The following ATP8A1 variants were observed in gnomAD, a reference collection of about 807,000 sequenced individuals.
The protein encoded by ATP8A1 is ATPase phospholipid transporting 8A1.
Under a neutral mutation model 177.7 loss-of-function variants are expected in ATP8A1, and 90 were observed. That is an observed-to-expected ratio of 0.51 (90% CI 0.43 to 0.60). The LOEUF is 0.60. ATP8A1 is among the 20% of genes least tolerant of loss of function. The pLI is 0.00. For synonymous variants in ATP8A1, 493 were observed against 485.9 expected, an observed-to-expected ratio of 1.01 and a Z score of -0.19; for missense variants, 1,072 against 1,392.8, an observed-to-expected ratio of 0.77 and a Z score of 3.67.
At chr4:42,501,138 T>C (rs1468905098) in intron 24 of ATP8A1, among the ~76,000 whole-genome samples, 2 of 152,242 alleles carry the variant, frequency 1.3e-5, no homozygotes, top group African/African-American at 4.8e-5. Context: ...ATGTATCACT[T>C]ATGTGAAAGA....
chr4:42,531,496 A>G (rs1314810153), intron 20 of ATP8A1, among the ~76,000 whole-genome samples: 1 of 152,256 alleles, frequency 6.6e-6, no homozygotes, highest in African/African-American at 2.4e-5. Flanking sequence ...GCTTTCCTCC[A>G]AGAACTGGAA....
intron 24 of ATP8A1, among the ~76,000 whole-genome samples, chr4:42,500,387 A>C (rs1000694191): frequency 6.6e-6 from 1 of 151,992 alleles, no homozygotes; most frequent in Non-Finnish European, 1.5e-5. Flanking sequence ...AAACAAAACA[A>C]AACAAAACAA....
At chr4:42,574,729 C>T (rs1732262214) in intron 13 of ATP8A1, 22 bp from the exon 14 acceptor site, 1 of 1,543,598 alleles carries the variant, frequency 6.5e-7, no homozygotes, top group Non-Finnish European at 8.8e-7. Flanking sequence ...TAAAATTTCT[C>T]ATTAATATTT....
At chr4:42,460,664 G>A (rs1719028707) in intron 27 of ATP8A1, among the ~76,000 whole-genome samples, 1 of 152,222 alleles carries the variant, frequency 6.6e-6, no homozygotes, top group South Asian at 2.1e-4. Flanking sequence ...TGGGATTACA[G>A]GCGTGAGCCA....
At chr4:42,578,230 A>AGG (rs1339791889) in intron 12 of ATP8A1, 30 bp downstream of exon 12, 1 of 1,537,476 alleles carries the variant, frequency 6.5e-7, no homozygotes, top group Non-Finnish European at 8.8e-7. Context: ...ATTATTTTGT[A>AGG]GGGTGATAAC....
intron 30 of ATP8A1, 97 bp from the exon 31 acceptor site, chr4:42,446,741 A>G: frequency 8.8e-7 from 1 of 1,134,250 alleles, no homozygotes; most frequent in Non-Finnish European, 1.3e-6. Context: ...AAGGGAAATC[A>G]AGGGATACAC....
intron 20 of ATP8A1, among the ~76,000 whole-genome samples, chr4:42,539,885 T>C: frequency 6.6e-6 from 1 of 152,090 alleles, no homozygotes; most frequent in Non-Finnish European, 1.5e-5. Flanking sequence ...GGGCATTGGT[T>C]TAGGCAAAAA....
intron 33 of ATP8A1, among the ~76,000 whole-genome samples, chr4:42,437,724 G>A (rs559477060): frequency 6.6e-6 from 1 of 152,236 alleles, no homozygotes; most frequent in Admixed American, 6.5e-5. Context: ...TTACTGTAGT[G>A]GAAACAAAGT....
chr4:42,597,504 T>C (rs1203683339), intron 6 of ATP8A1, among the ~76,000 whole-genome samples: 1 of 152,210 alleles, frequency 6.6e-6, no homozygotes, highest in Non-Finnish European at 1.5e-5. Context: ...CTGCTTGGCA[T>C]ATGCACTCAA....
rs993629499 is a variant in ATP8A1, at chr4:42,409,732, C to T, written c.*3184G>A. The T allele has an allele frequency of 1.3e-5, 2 of 151,976 alleles. No homozygotes were observed. The highest frequency in any genetic ancestry group is 2.4e-5 in the African/African-American group (1 of 41,378). 9.4% of individuals were successfully genotyped at this position (151,976 alleles called of 1,614,324 possible). ...TACTTTCTGACTAGCATTCATTTCC[C>T]GAGAAAACATTTTAAATGACAAGTT... On this transcript the variant is annotated 3_prime_UTR_variant, in exon 37 of 37. Coordinates refer to ENST00000381668, the MANE Select transcript of ATP8A1 (RefSeq NM_006095.2).
chr4:42,542,771 C>CT (rs371080358), intron 20 of ATP8A1, among the ~76,000 whole-genome samples: 1 of 152,052 alleles, frequency 6.6e-6, no homozygotes, highest in Non-Finnish European at 1.5e-5. Flanking sequence ...TGAACTCATC[C>CT]TTTTTTATGG....
At chr4:42,607,064 C>T (rs1735866179) in intron 5 of ATP8A1, among the ~76,000 whole-genome samples, 1 of 152,156 alleles carries the variant, frequency 6.6e-6, no homozygotes, top group African/African-American at 2.4e-5. Context: ...GGTTGGAATC[C>T]TAACTAAATA....
chr4:42,463,436 C>T (rs891789678), intron 27 of ATP8A1, among the ~76,000 whole-genome samples: 7 of 152,204 alleles, frequency 4.6e-5, no homozygotes, highest in African/African-American at 1.7e-4. Flanking sequence ...TCCTTGCCTT[C>T]CTCCATGATT....
At chr4:42,479,287 C>G (rs967885000) in intron 25 of ATP8A1, among the ~76,000 whole-genome samples, 3 of 152,212 alleles carry the variant, frequency 2.0e-5, no homozygotes, top group Middle Eastern at 3.2e-3. Context: ...CAGATACTTA[C>G]TATCTGTCCC....
intron 20 of ATP8A1, among the ~76,000 whole-genome samples, chr4:42,537,414 C>A (rs1450093099): frequency 6.6e-6 from 1 of 151,600 alleles, no homozygotes; most frequent in Non-Finnish European, 1.5e-5. Flanking sequence ...AAGTTCTAGC[C>A]AGAGCAATCA....
At position 42,409,103 on chromosome 4, in the gene ATP8A1, T is replaced by TAAATTCC. The variant is rs1237031630; in HGVS notation, c.*3806_*3812dup. ...ACCAATTAATTTGTCTACTGAATTT[T>TAAATTCC]AAATTCCAGGTAGGCCGTGATAGAA... On this transcript the variant is annotated 3_prime_UTR_variant, in exon 37 of 37. Coordinates refer to ENST00000381668, the MANE Select transcript of ATP8A1 (RefSeq NM_006095.2). 1 of 152,174 alleles carries TAAATTCC rather than the reference T, an allele frequency of 6.6e-6. No homozygotes were observed. 9.4% of individuals were successfully genotyped at this position (152,174 alleles called of 1,614,324 possible).
At chr4:42,442,106 C>G (rs1716704023) in intron 33 of ATP8A1, among the ~76,000 whole-genome samples, 1 of 152,152 alleles carries the variant, frequency 6.6e-6, no homozygotes, top group African/African-American at 2.4e-5. Context: ...AGTAGGTGGT[C>G]AAAACCTCAG....
intron 5 of ATP8A1, among the ~76,000 whole-genome samples, chr4:42,609,065 C>T (rs563610266): frequency 6.6e-6 from 1 of 152,272 alleles, no homozygotes; most frequent in East Asian, 1.9e-4. Flanking sequence ...TGGAAACTTC[C>T]TGGATTCCTC....
At chr4:42,551,736 A>C (rs528422133) in intron 17 of ATP8A1, among the ~76,000 whole-genome samples, 44 of 152,278 alleles carry the variant, frequency 2.9e-4, no homozygotes, top group African/African-American at 1.1e-3. Flanking sequence ...ATGTCTATGA[A>C]TTTCATCATG....
Sources: gnomAD v4.1 joint callset for allele counts (sites outside exome capture counted in the v4.1 genomes callset) on GRCh38, gnomAD v4.1.1 for gene constraint, MANE v1.5 for transcripts, NCBI Gene and HGNC (gene_info 2026-07-23, HGNC 2026-07-21) for gene names.